The following SLC41A1 variants were observed in gnomAD, a reference collection of about 807,000 sequenced individuals.
The protein encoded by SLC41A1 is solute carrier family 41 (magnesium transporter), member 1.
In SLC41A1, 20 loss-of-function variants were observed where a neutral mutation model predicts 47.3. The ratio of observed to expected loss-of-function variants is 0.42; its 90% CI spans 0.30 to 0.61. The LOEUF (loss-of-function observed/expected upper bound fraction) is 0.61, where lower values mean the gene tolerates loss of function less well. Among genes scored for constraint, SLC41A1 ranks in the 20% least tolerant of loss-of-function variants. The pLI is 0.17. For synonymous variants in SLC41A1, 282 were observed against 272.7 expected (o/e 1.03, Z -0.34); for missense variants, 504 against 674.1 (o/e 0.75, Z 2.79).
At chr1:205,801,844 G>C (rs1475177540) in intron 2 of SLC41A1, among the ~76,000 whole-genome samples, 1 of 152,184 alleles carries the variant, frequency 6.6e-6, no homozygotes, top group Non-Finnish European at 1.5e-5. Flanking sequence ...TTGTGTGCTA[G>C]GCTAAGTGCT....
In SLC41A1 at chr1:205,799,015, G is replaced by A. The variant is rs755252081; in HGVS notation, c.639C>T (p.His213=). ...WIPDGHFSIP[H]AFLLCASSVA... ...CGCTGCTAGCACAGAGCAGGAAGGC[G>A]TGCGGAATACTGAAGTGGCCATCAG... Residue 213 remains histidine, a synonymous_variant, in exon 5 of 11, where the codon CAC becomes CAT. Coordinates refer to ENST00000367137, the MANE Select transcript of SLC41A1 (RefSeq NM_173854.6). 1.1e-5 allele frequency: 17 copies of A among 1,613,872 alleles called. No homozygotes were observed. Among genetic ancestry groups the A allele is most frequent in the Middle Eastern group, 1.7e-4 (1 of 6,004 alleles).
chr1:205,789,130 TTA>T lies in SLC41A1; in HGVS notation c.*2401_*2402del, dbSNP rs1202117591. Reference sequence around the variant, plus strand: ...TCCTCTTTATTTTACCAAATATAATTTATCAGTTAAGTTGACATTTGTCAATT... The same window carrying T: ...TCCTCTTTATTTTACCAAATATAATTTCAGTTAAGTTGACATTTGTCAATT... On this transcript the variant is annotated 3_prime_UTR_variant, in exon 11 of 11. Coordinates refer to ENST00000367137, the MANE Select transcript of SLC41A1 (RefSeq NM_173854.6). 1 of 152,198 alleles carries T rather than the reference TTA, an allele frequency of 6.6e-6. No homozygotes were observed. The allele number at this position is 152,198 out of a possible 1,614,324, so 9.4% of individuals were successfully genotyped here. A position where few individuals can be genotyped will look rare whatever the true frequency, so the allele number is the denominator to read the frequency against.
At chr1:205,796,860 C>A in intron 8 of SLC41A1, 64 bp downstream of exon 8, 1 of 1,522,214 alleles carries the variant, frequency 6.6e-7, no homozygotes. Flanking sequence ...CCCCTTAAGT[C>A]CTCTTCTCCT....
chr1:205,810,176 G>C lies in SLC41A1; in HGVS notation c.266C>G (p.Ser89Cys). Reference protein sequence around the residue: ...VSTDRGPAPPSPLKETSFSIG... With the variant: ...VSTDRGPAPPCPLKETSFSIG... ...GGAAAAGGAGGTCTCCTTGAGCGGG[G>C]AAGGTGGCGCAGGGCCACGGTCTGT... The change falls in exon 2 of 11, where the codon TCC becomes TGC. Residue 89 changes from serine (S) to cysteine (C), a missense_variant. Ser to Cys is a moderately radical substitution (Grantham distance 112, BLOSUM62 -1). This residue lies in a region of SLC41A1 where 421 missense variants were observed against 601.6 expected (regional missense o/e 0.70). Coordinates refer to ENST00000367137, the MANE Select transcript of SLC41A1 (RefSeq NM_173854.6). The surrounding 1 kb of genome is among the most constrained non-coding windows in gnomAD (Gnocchi z 5.5). 1 of 1,614,234 alleles carries C rather than the reference G, an allele frequency of 6.2e-7. No individual in the cohort carries two copies.
At chr1:205,808,422 G>A (rs371213827) in intron 2 of SLC41A1, among the ~76,000 whole-genome samples, 3 of 152,184 alleles carry the variant, frequency 2.0e-5, no homozygotes, top group African/African-American at 7.2e-5. Context: ...CTACCTCATG[G>A]GCCTACCGAA....
In SLC41A1 at chr1:205,800,403, C is replaced by T. The variant is rs563261359; in HGVS notation, c.480+550G>A. Among the ~76,000 whole-genome samples the T allele has an allele frequency of 3.0e-4, 46 of 152,312 alleles. No homozygotes were observed. In the Middle Eastern group the frequency reaches 0.017, roughly 56 times the overall value. On this transcript the variant is annotated intron_variant, in intron 3 of 10. Coordinates refer to ENST00000367137, the MANE Select transcript of SLC41A1 (RefSeq NM_173854.6). Reference sequence around the variant, plus strand: ...ATCATCTCCCACCTCCAGCCCAGGGCCCTGTATCTGTTCAGGCCCGGAATC... The same window carrying T: ...ATCATCTCCCACCTCCAGCCCAGGGTCCTGTATCTGTTCAGGCCCGGAATC...
chr1:205,803,560 T>A (rs546808728), intron 2 of SLC41A1, among the ~76,000 whole-genome samples: 153 of 151,562 alleles, frequency 1.0e-3, no homozygotes, highest in African/African-American at 3.5e-3. Context: ...ATTACTCTAG[T>A]CATAAAAAAC....
chr1:205,802,283 T>G (rs1244755126), intron 2 of SLC41A1, among the ~76,000 whole-genome samples: 1 of 152,012 alleles, frequency 6.6e-6, no homozygotes, highest in East Asian at 1.9e-4. Context: ...CCTGCTTATC[T>G]CCCCAGTACA....
In SLC41A1 at chr1:205,794,968, G is replaced by A. The variant is rs1342062355; in HGVS notation, c.1258C>T (p.His420Tyr). 1 of 1,614,160 alleles carries A rather than the reference G, an allele frequency of 6.2e-7. No individual in the cohort carries two copies. The highest frequency in any genetic ancestry group is 8.5e-7 in the Non-Finnish European group (1 of 1,180,026). ...CTGATGGTGTAGAGGAACACCAGGTGTCCTGGGACCACGAGGAGGAAGAGG... is the reference window on the plus strand; with the variant it reads ...CTGATGGTGTAGAGGAACACCAGGTATCCTGGGACCACGAGGAGGAAGAGG... ...RVLFLLVVPG[H>Y]LVFLYTISCM... Residue 420 changes from histidine to tyrosine, a missense_variant, in exon 10 of 11, where the codon CAC (histidine) becomes TAC (tyrosine). Transcript: ENST00000367137.
At chr1:205,799,633 G>A in intron 4 of SLC41A1, 126 bp downstream of exon 4, 1 of 1,071,896 alleles carries the variant, frequency 9.3e-7, no homozygotes, top group South Asian at 1.3e-5. Context: ...GAGCTACTCT[G>A]GGGGAAGCCA....
Position 205,795,017 on chromosome 1 carries a change from A to T in SLC41A1, c.1209T>A (p.Asp403Glu), listed in dbSNP as rs747442916. 1 of 1,613,758 alleles carries T rather than the reference A, an allele frequency of 6.2e-7. No individual in the cohort carries two copies. Among genetic ancestry groups the T allele is most frequent in the Non-Finnish European group, 8.5e-7 (1 of 1,179,954 alleles). The change falls in exon 10 of 11, where the codon GAT becomes GAA. Residue 403 changes from aspartate (D) to glutamate (E), a missense_variant and splice_region_variant. By Grantham distance (45) the Asp-to-Glu change is conservative. Transcript: ENST00000367137. ...GGACCCGGGCTGAGCGAGAATTCAC[A>T]TCTGGAATTGGGGAAAAGAGGGTGT... Reference protein sequence around the residue: ...PSPCTTFFSPDVNSRSARVLF... With the variant: ...PSPCTTFFSPEVNSRSARVLF...
At chr1:205,797,566 T>C (rs1655778100) in intron 7 of SLC41A1, among the ~76,000 whole-genome samples, 2 of 152,182 alleles carry the variant, frequency 1.3e-5, no homozygotes, top group South Asian at 4.1e-4. Flanking sequence ...GAATCTCTCT[T>C]CCCACTGGAA....
At chr1:205,803,164 G>A (rs755067335) in intron 2 of SLC41A1, among the ~76,000 whole-genome samples, 3 of 152,056 alleles carry the variant, frequency 2.0e-5, no homozygotes, top group Admixed American at 6.6e-5. Flanking sequence ...GCAAGACTCC[G>A]TCTCAAGAAA....
At position 205,790,872 on chromosome 1, in the gene SLC41A1, G is replaced by A. The variant is rs1421070598; in HGVS notation, c.*661C>T. Reference sequence around the variant, plus strand: ...CAACTGGAAATGATCAGAGGGAGGGGTTGTTGATGTTGACCAGGCCATTGA... The same window carrying A: ...CAACTGGAAATGATCAGAGGGAGGGATTGTTGATGTTGACCAGGCCATTGA... On this transcript the variant is annotated 3_prime_UTR_variant, in exon 11 of 11. Transcript: ENST00000367137. 2.6e-5 allele frequency: 4 copies of A among 155,134 alleles called. No homozygotes were observed. In the East Asian group the frequency reaches 5.7e-4, roughly 22 times the overall value. 9.6% of individuals were successfully genotyped at this position (155,134 alleles called of 1,614,324 possible). A position where few individuals can be genotyped will look rare whatever the true frequency, so the allele number is the denominator to read the frequency against.
chr1:205,798,653 A>T lies in SLC41A1; in HGVS notation c.844+16T>A. On this transcript the variant is annotated intron_variant, in intron 6 of 10. Coordinates refer to ENST00000367137, the MANE Select transcript of SLC41A1 (RefSeq NM_173854.6). ...CCCACCCAGGACTCCAAGAAGCCAC[A>T]CTCTTGGTGGCTCACTCAGTTCCAG... The T allele has an allele frequency of 1.2e-6, 2 of 1,613,930 alleles. No individual in the cohort carries two copies. Among genetic ancestry groups the T allele is most frequent in the Non-Finnish European group, 1.7e-6 (2 of 1,179,966 alleles).
chr1:205,796,687 T>C, intron 8 of SLC41A1: 1 of 587,422 alleles, frequency 1.7e-6, no homozygotes, highest in East Asian at 2.9e-5. Flanking sequence ...CTTGACCCTT[T>C]AGGAGTAGAG....
chr1:205,801,618 C>T (rs547125648), intron 2 of SLC41A1: 1 of 169,212 alleles, frequency 5.9e-6, no homozygotes, highest in South Asian at 1.5e-4. Context: ...GACTGTGGCC[C>T]CTAAACCTCT....
intron 2 of SLC41A1, among the ~76,000 whole-genome samples, chr1:205,802,004 A>G (rs1371000682): frequency 6.6e-6 from 1 of 152,184 alleles, no homozygotes; most frequent in East Asian, 1.9e-4. Flanking sequence ...TGGCTATTTG[A>G]AAGCTACTTT....
rs780760027 is a variant in SLC41A1, at chr1:205,797,993, G to T, written c.903C>A (p.Val301=). 1 of 1,614,190 alleles carries T rather than the reference G, an allele frequency of 6.2e-7. No homozygotes were observed. Among genetic ancestry groups the T allele is most frequent in the Admixed American group, 1.7e-5 (1 of 60,024 alleles). The change falls in exon 7 of 11, where the codon GTC becomes GTA. Residue 301 remains valine, a synonymous_variant. Coordinates refer to ENST00000367137, the MANE Select transcript of SLC41A1 (RefSeq NM_173854.6). The part of the protein sequence containing the change: ...VCAFFVALLP[V]WVVLARRSPA... ...GACTTCGTCGGGCCAGCACCACCCA[G>T]ACAGGCAGCAGGGCCACAAAGAAAG... is the stretch of plus-strand genomic sequence containing the variant.
Sources: allele counts gnomAD v4.1 joint callset (sites outside exome capture counted in the v4.1 genomes callset), GRCh38; gene constraint gnomAD v4.1.1; regional missense constraint gnomAD v4.1.1; non-coding constraint Gnocchi (gnomAD v3.1); transcripts MANE v1.5; gene names NCBI Gene and HGNC (gene_info 2026-07-23, HGNC 2026-07-21).